The following SLC25A48 variants were observed in gnomAD, a reference collection of about 807,000 sequenced individuals.
The protein encoded by SLC25A48 is CTC-321K16.1.
A neutral mutation model predicts 32.2 loss-of-function variants in SLC25A48; 29 were observed. That is an observed-to-expected ratio of 0.90 (90% confidence interval 0.67 to 1.23). SLC25A48 has a LOEUF of 1.23. SLC25A48 is among the 50% of genes most tolerant of loss of function. The pLI, the probability that SLC25A48 is intolerant of heterozygous loss-of-function variation, is 0.00. For synonymous variants in SLC25A48, 164 were observed against 172.3 expected, an observed-to-expected ratio of 0.95 and a Z score of 0.38; for missense variants, 399 against 422.7, an observed-to-expected ratio of 0.94 and a Z score of 0.49.
intron 3 of SLC25A48, among the ~76,000 whole-genome samples, chr5:135,796,058 A>ATG (rs1757166388): frequency 6.7e-6 from 1 of 150,298 alleles, no homozygotes; most frequent in African/African-American, 2.5e-5. Flanking sequence ...CCTAATATCC[A>ATG]GTGTCGGAGA....
At chr5:135,779,778 C>T (rs1476557607) in intron 3 of SLC25A48, among the ~76,000 whole-genome samples, 1 of 116,830 alleles carries the variant, frequency 8.6e-6, no homozygotes, top group Non-Finnish European at 2.1e-5. Context: ...GTCTTAATAT[C>T]CAACTGGGGA....
At chr5:135,654,788 C>T (rs534961448) in intron 3 of SLC25A48, among the ~76,000 whole-genome samples, 2 of 152,252 alleles carry the variant, frequency 1.3e-5, no homozygotes, top group East Asian at 3.9e-4. Context: ...ACTGGGGTTT[C>T]CCAGAGAAGA....
At chr5:135,881,218 A>T (rs763901851) in intron 7 of SLC25A48, among the ~76,000 whole-genome samples, 1 of 152,258 alleles carries the variant, frequency 6.6e-6, no homozygotes, top group Non-Finnish European at 1.5e-5. Context: ...TTTCTAGTCA[A>T]CCAAGAAGCC....
chr5:135,817,642 A>G (rs1434682687), intron 4 of SLC25A48, among the ~76,000 whole-genome samples: 1 of 152,248 alleles, frequency 6.6e-6, no homozygotes, highest in Non-Finnish European at 1.5e-5. Flanking sequence ...CTTAGATAGC[A>G]TACAAAAAAC....
At chr5:135,624,537 A>C (rs1752399812) in intron 1 of SLC25A48, among the ~76,000 whole-genome samples, 1 of 152,258 alleles carries the variant, frequency 6.6e-6, no homozygotes, top group Non-Finnish European at 1.5e-5. Context: ...CAATGGTGTG[A>C]GAATGACTGT....
rs575870536 is a variant in SLC25A48 at position 135,883,110 on chromosome 5, T to C, written c.*7+3013T>C. On this transcript the variant is annotated intron_variant, in intron 7 of 7. Transcript: ENST00000681962. ...ATGCTAAAAGTGTCTGCAGAACCCA[T>C]GATGTGAATTTACTGAAGAGAAAGA... is the stretch of plus-strand genomic sequence containing the variant. 2.0e-4 allele frequency: 194 copies of C among 985,446 alleles called. No individual in the cohort carries two copies. The African/African-American group carries it at 2.8e-3, about 14-fold the overall frequency. The allele number at this position is 985,446 out of a possible 1,614,324, so 61.0% of individuals were successfully genotyped here.
intron 5 of SLC25A48, among the ~76,000 whole-genome samples, chr5:135,873,499 C>A (rs989890492): frequency 4.6e-5 from 7 of 152,202 alleles, no homozygotes; most frequent in African/African-American, 1.4e-4. Context: ...GCTGGCCCTT[C>A]CTTTGTGAGC....
At chr5:135,778,835 A>ACCCCC (rs1440052779) in intron 3 of SLC25A48, among the ~76,000 whole-genome samples, 14 of 114,646 alleles carry the variant, frequency 1.2e-4, no homozygotes, top group East Asian at 3.0e-4. Flanking sequence ...AGTGGTGTAC[A>ACCCCC]CACACCCCCC....
chr5:135,702,396 G>A (rs1256191361), intron 3 of SLC25A48, among the ~76,000 whole-genome samples: 1 of 152,230 alleles, frequency 6.6e-6, no homozygotes, highest in Non-Finnish European at 1.5e-5. Context: ...AGGGATGGGA[G>A]TGATGCGTCT....
intron 4 of SLC25A48, among the ~76,000 whole-genome samples, chr5:135,816,058 T>C (rs1757711002): frequency 6.6e-6 from 1 of 152,124 alleles, no homozygotes; most frequent in Admixed American, 6.6e-5. Flanking sequence ...GGGAATTAGG[T>C]GCCTTCTTCG....
chr5:135,812,206 A>T lies in SLC25A48; in HGVS notation c.-520-317A>T, dbSNP rs568572863. 5.9e-5 allele frequency among the ~76,000 whole-genome samples: 9 copies of T among 152,288 alleles called. No homozygotes were observed. In the East Asian group the frequency reaches 1.7e-3, roughly 29 times the overall value. On this transcript the variant is annotated intron_variant, in intron 3 of 10. Transcript: ENST00000646290. Reference sequence around the variant, plus strand: ...GGGTACATAGTAGGTGTATATATTTATGGGGTACATGAGATATTTTGATAC... The same window carrying T: ...GGGTACATAGTAGGTGTATATATTTTTGGGGTACATGAGATATTTTGATAC...
At chr5:135,706,029 G>A (rs376191106) in intron 3 of SLC25A48, among the ~76,000 whole-genome samples, 14 of 152,186 alleles carry the variant, frequency 9.2e-5, no homozygotes, top group South Asian at 4.2e-4. Context: ...GTCTCTTCCC[G>A]GCTGCCCTTC....
intron 3 of SLC25A48, among the ~76,000 whole-genome samples, chr5:135,735,061 C>A (rs1012675454): frequency 2.0e-5 from 3 of 152,158 alleles, no homozygotes; most frequent in Non-Finnish European, 4.4e-5. Flanking sequence ...GGGTCCCGCA[C>A]AGATGGGACA....
intron 4 of SLC25A48, 118 bp downstream of exon 4, chr5:135,852,939 C>T (rs770211049): frequency 1.5e-6 from 2 of 1,354,594 alleles, no homozygotes; most frequent in Non-Finnish European, 2.0e-6. Context: ...ACCTTGTCAC[C>T]TAGTAGTCCG....
At chr5:135,681,444 C>T (rs369400161) in intron 3 of SLC25A48, among the ~76,000 whole-genome samples, 11 of 152,326 alleles carry the variant, frequency 7.2e-5, no homozygotes, top group African/African-American at 2.2e-4. Flanking sequence ...CTCTCCTTGA[C>T]ATTTTACTTT....
chr5:135,802,263 C>T (rs1757349525), intron 3 of SLC25A48, among the ~76,000 whole-genome samples: 1 of 151,576 alleles, frequency 6.6e-6, no homozygotes, highest in Non-Finnish European at 1.5e-5. Context: ...CATGTATACC[C>T]TGTGATATTA....
At position 135,626,929 on chromosome 5, in the gene SLC25A48, C is replaced by T. The variant is rs113730028; in HGVS notation, c.-848-2308C>T. Among the ~76,000 whole-genome samples the T allele has an allele frequency of 3.0e-3, 463 of 152,308 alleles. 1 individual carries two copies. Among genetic ancestry groups the T allele is most frequent in the Non-Finnish European group, 5.4e-3 (370 of 68,034 alleles). On this transcript the variant is annotated intron_variant, in intron 1 of 10. Coordinates refer to the SLC25A48 transcript ENST00000646290. ...GACCATCCAGGGTCCAGCCAGCCAC[C>T]CACCTTGGCCTGCTGGTTGCCTTCT...
intron 3 of SLC25A48, among the ~76,000 whole-genome samples, chr5:135,796,241 G>A (rs551139090): frequency 1.3e-5 from 2 of 151,178 alleles, no homozygotes; most frequent in South Asian, 2.1e-4. Flanking sequence ...TCCATATCAC[G>A]GGGGGAGTAC....
chr5:135,687,314 A>G (rs1284972607), intron 3 of SLC25A48, among the ~76,000 whole-genome samples: 2 of 152,242 alleles, frequency 1.3e-5, no homozygotes, highest in Non-Finnish European at 2.9e-5. Context: ...GTCATAATGT[A>G]TCAGAAGCTT....
Sources: gnomAD v4.1 joint callset for allele counts (sites outside exome capture counted in the v4.1 genomes callset) on GRCh38, gnomAD v4.1.1 for gene constraint, MANE v1.5 for transcripts, NCBI Gene and HGNC (gene_info 2026-07-23, HGNC 2026-07-21) for gene names.